UBR1: variants seen among roughly 807,000 people sequenced by gnomAD.
The protein encoded by UBR1 is ubiquitin protein ligase E3 component n-recognin 1.
Under a neutral mutation model 242.1 loss-of-function variants are expected in UBR1, and 102 were observed. The ratio of observed to expected loss-of-function variants is 0.42; its 90% CI spans 0.36 to 0.50. The LOEUF is 0.50. Among genes scored for constraint, UBR1 ranks in the 20% least tolerant of loss-of-function variants. The probability of loss-of-function intolerance (pLI) is 0.01; values close to 1 mark genes in which losing one functional copy is unlikely to be tolerated. For missense variants in UBR1, 1,772 were observed against 2,101.8 expected (o/e 0.84, Z 3.07); for synonymous variants, 675 against 684.8 (o/e 0.99, Z 0.22).
At chr15:43,105,820 A>G (rs2034289551) in intron 1 of UBR1, 122 bp downstream of exon 1, 1 of 931,106 alleles carries the variant, frequency 1.1e-6, no homozygotes, top group Non-Finnish European at 1.7e-6. Context: ...GCTTCCTTCC[A>G]GATCAATCCA....
Position 43,086,258 on chromosome 15 carries a change from G to A in UBR1, c.82-18C>T. 1 of 1,613,246 alleles carries A rather than the reference G, an allele frequency of 6.2e-7. No homozygotes were observed. Among genetic ancestry groups the A allele is most frequent in the South Asian group, 1.1e-5 (1 of 91,032 alleles). On this transcript the variant is annotated intron_variant, in intron 1 of 46. Transcript: ENST00000290650. Reference sequence around the variant, plus strand: ...TCCCACCACTAAAAGAAAAGAAGATGAAAATTAGACTGACTTACAAGTTCC... The same window carrying A: ...TCCCACCACTAAAAGAAAAGAAGATAAAAATTAGACTGACTTACAAGTTCC...
chr15:43,019,896 G>A (rs888795711), intron 27 of UBR1, among the ~76,000 whole-genome samples: 1 of 151,800 alleles, frequency 6.6e-6, no homozygotes, highest in African/African-American at 2.4e-5. Flanking sequence ...GAGCCACCGT[G>A]CCTGGCCGGT....
At chr15:43,061,355 T>C (rs2033682274) in intron 6 of UBR1, among the ~76,000 whole-genome samples, 3 of 152,136 alleles carry the variant, frequency 2.0e-5, no homozygotes. Context: ...ACACCCCAAA[T>C]ACTCAGTCCC....
In UBR1 at chr15:43,036,509, A is replaced by C. The variant is rs1464118850; in HGVS notation, c.2088+19T>G. 2 of 1,550,448 alleles carry C rather than the reference A, an allele frequency of 1.3e-6. No homozygotes were observed. Among genetic ancestry groups the C allele is most frequent in the Non-Finnish European group, 1.8e-6 (2 of 1,123,038 alleles). Reference sequence around the variant, plus strand: ...AGGAAGATGAAGACACAAATATCAGAAACAATTTAAATAGGTACCTGAAGC... The same window carrying C: ...AGGAAGATGAAGACACAAATATCAGCAACAATTTAAATAGGTACCTGAAGC... On this transcript the variant is annotated intron_variant, in intron 18 of 46. Transcript: ENST00000290650.
In UBR1 at chr15:42,998,329, T is replaced by G; in HGVS notation, c.3660-64A>C. ...ACAAAGTCAAATGGAAAAGCTGAAT[T>G]TGTATTATTTCCTTGGATAAATGGT... On this transcript the variant is annotated intron_variant, in intron 32 of 46. Coordinates refer to ENST00000290650, the MANE Select transcript of UBR1 (RefSeq NM_174916.3). 3 of 1,410,856 alleles carry G rather than the reference T, an allele frequency of 2.1e-6. No homozygotes were observed. In the African/African-American group the frequency reaches 4.3e-5, roughly 20 times the overall value. 87.4% of individuals were successfully genotyped at this position (1,410,856 alleles called of 1,614,324 possible).
chr15:43,059,960 C>A (rs975852838), intron 7 of UBR1, 92 bp downstream of exon 7: 2 of 1,557,904 alleles, frequency 1.3e-6, no homozygotes, highest in Non-Finnish European at 1.8e-6. Flanking sequence ...CAAACCACTT[C>A]AACGACATCA....
intron 46 of UBR1, among the ~76,000 whole-genome samples, chr15:42,949,951 A>T (rs1357248512): frequency 6.7e-6 from 1 of 149,270 alleles, no homozygotes; most frequent in Non-Finnish European, 1.5e-5. Context: ...TGATTCTCCT[A>T]CCTCAGCCTC....
intron 15 of UBR1, among the ~76,000 whole-genome samples, chr15:43,041,078 C>T (rs903882195): frequency 5.1e-4 from 77 of 152,170 alleles, no homozygotes; most frequent in Non-Finnish European, 1.1e-3. Context: ...TTTGACCCAG[C>T]AATCCCATTA....
chr15:42,947,114 G>A (rs1296323975), intron 46 of UBR1, among the ~76,000 whole-genome samples: 1 of 152,140 alleles, frequency 6.6e-6, no homozygotes, highest in Non-Finnish European at 1.5e-5. Context: ...TCCAGCCTGG[G>A]TGACAGAGTG....
chr15:43,085,632 C>A (rs1347530202), intron 2 of UBR1, among the ~76,000 whole-genome samples: 1 of 152,112 alleles, frequency 6.6e-6, no homozygotes, highest in Non-Finnish European at 1.5e-5. Flanking sequence ...GCCTGTAATC[C>A]CAGCACTTTG....
chr15:42,954,066 G>A (rs536996144), intron 44 of UBR1, among the ~76,000 whole-genome samples: 134 of 151,714 alleles, frequency 8.8e-4, no homozygotes, highest in African/African-American at 3.0e-3. Context: ...TGTATTTTTT[G>A]TAGAGACAGG....
chr15:43,026,798 T>G, intron 22 of UBR1, 135 bp from the exon 23 acceptor site: 1 of 706,908 alleles, frequency 1.4e-6, no homozygotes, highest in Non-Finnish European at 2.4e-6. Flanking sequence ...TATGAAAAAT[T>G]CCATTGCAAT....
At position 43,047,150 on chromosome 15, in the gene UBR1, A is replaced by G. The variant is rs778535453; in HGVS notation, c.1668+11T>C. ...AAAAAGGCACTGATCCTACTAACAA[A>G]TTTTACTTACATCACAAGCACACCA... is the stretch of plus-strand genomic sequence containing the variant. On this transcript the variant is annotated intron_variant, in intron 14 of 46. Transcript: ENST00000290650. The G allele has an allele frequency of 1.2e-6, 2 of 1,614,046 alleles. No homozygotes were observed. The highest frequency in any genetic ancestry group is 4.5e-5 in the East Asian group (2 of 44,872).
intron 5 of UBR1, among the ~76,000 whole-genome samples, chr15:43,069,668 A>C (rs916329268): frequency 2.0e-5 from 3 of 152,174 alleles, no homozygotes; most frequent in Non-Finnish European, 4.4e-5. Context: ...CAGCCCTCTT[A>C]TGTTTTAGAA....
intron 43 of UBR1, among the ~76,000 whole-genome samples, chr15:42,960,134 G>A (rs570037713): frequency 6.6e-6 from 1 of 152,240 alleles, no homozygotes; most frequent in African/African-American, 2.4e-5. Context: ...GGAGGAGGTG[G>A]CATTTAAATT....
At chr15:43,018,628 C>T (rs2033062422) in intron 27 of UBR1, among the ~76,000 whole-genome samples, 1 of 152,052 alleles carries the variant, frequency 6.6e-6, no homozygotes, top group Admixed American at 6.6e-5. Context: ...TGGGCTCAAG[C>T]AAGCCACCCA....
chr15:43,002,796 C>T lies in UBR1; in HGVS notation c.3510-92G>A, dbSNP rs1033185192. On this transcript the variant is annotated intron_variant, in intron 31 of 46. Transcript: ENST00000290650. Reference sequence around the variant, plus strand: ...TTGCTCTAATCCAAGTTTTAAAAATCTGGAATTTTTGCCCCAATAAACATC... The same window carrying T: ...TTGCTCTAATCCAAGTTTTAAAAATTTGGAATTTTTGCCCCAATAAACATC... The T allele has an allele frequency of 3.8e-6, 6 of 1,565,476 alleles. No homozygotes were observed. In the African/African-American group the frequency reaches 6.8e-5, roughly 18 times the overall value.
In UBR1 at chr15:42,984,903, G is replaced by T; in HGVS notation, c.4037C>A (p.Ala1346Glu). The change falls in exon 36 of 47, where the codon GCA becomes GAA. Residue 1346 changes from alanine (A) to glutamate (E), a missense_variant. Ala to Glu is a moderately radical substitution (Grantham distance 107, BLOSUM62 -1). Transcript: ENST00000290650. ...TATACATACCTGCCTATTTTGAAGT[G>T]CTCCAAACAGAGGTTTTCCTTCATC... is the stretch of plus-strand genomic sequence containing the variant. ...LGDEGKPLFGALQNRQHNGLK... is the reference protein window; with the variant it reads ...LGDEGKPLFGELQNRQHNGLK... 2 of 1,611,806 alleles carry T rather than the reference G, an allele frequency of 1.2e-6. No individual in the cohort carries two copies. The highest frequency in any genetic ancestry group is 1.7e-6 in the Non-Finnish European group (2 of 1,178,658).
At chr15:43,074,950 A>T in intron 4 of UBR1, 29 bp downstream of exon 4, 1 of 1,525,950 alleles carries the variant, frequency 6.6e-7, no homozygotes, top group East Asian at 2.3e-5. Flanking sequence ...TAAAATAGTT[A>T]ACAATTTTTA....
Sources: gnomAD v4.1 joint callset for allele counts (sites outside exome capture counted in the v4.1 genomes callset) on GRCh38, gnomAD v4.1.1 for gene constraint, MANE v1.5 for transcripts, NCBI Gene and HGNC (gene_info 2026-07-23, HGNC 2026-07-21) for gene names.